Variants in PPP4R2 observed in about 807,000 individuals in gnomAD.
PPP4R2 encodes serine/threonine-protein phosphatase 4 regulatory subunit 2.
Under a neutral mutation model 47.2 loss-of-function variants are expected in PPP4R2, and 13 were observed. That is an observed-to-expected ratio of 0.28 (90% CI 0.18 to 0.44). The LOEUF is 0.44. Among genes scored for constraint, PPP4R2 ranks in the 20% least tolerant of loss-of-function variants. The probability of loss-of-function intolerance (pLI) is 1.00; values close to 1 mark genes in which losing one functional copy is unlikely to be tolerated. For synonymous variants in PPP4R2, 151 were observed against 163.3 expected (o/e 0.92, Z 0.57); for missense variants, 421 against 491.2 (o/e 0.86, Z 1.35).
intron 3 of PPP4R2, among the ~76,000 whole-genome samples, chr3:73,053,458 T>C (rs1391320338): frequency 6.6e-6 from 1 of 152,232 alleles, no homozygotes; most frequent in African/African-American, 2.4e-5. Context: ...TTGCTAGTTA[T>C]ATTTGATGCA....
At chr3:73,047,543 A>C (rs1702509845) in intron 3 of PPP4R2, among the ~76,000 whole-genome samples, 187 bp downstream of exon 3, 1 of 152,212 alleles carries the variant, frequency 6.6e-6, no homozygotes, top group African/African-American at 2.4e-5. Flanking sequence ...CTCTTAAAAA[A>C]CTTGAACCAC....
chr3:73,041,880 G>C (rs1381024873), intron 2 of PPP4R2, among the ~76,000 whole-genome samples: 4 of 152,236 alleles, frequency 2.6e-5, no homozygotes, highest in African/African-American at 4.8e-5. Flanking sequence ...TTAGAGAATT[G>C]TGAGAGAAAC....
intron 5 of PPP4R2, chr3:73,062,845 C>A: frequency 6.2e-7 from 1 of 1,613,852 alleles, no homozygotes; most frequent in African/African-American, 1.3e-5. Flanking sequence ...TTAATGTTCA[C>A]ACTTCTATTT....
At chr3:73,027,134 T>A (rs1028731020) in intron 2 of PPP4R2, among the ~76,000 whole-genome samples, 1 of 152,158 alleles carries the variant, frequency 6.6e-6, no homozygotes, top group Non-Finnish European at 1.5e-5. Flanking sequence ...TATTCCCCTG[T>A]TTTTTTGTTT....
chr3:73,057,303 G>T (rs1402142974), intron 3 of PPP4R2, among the ~76,000 whole-genome samples: 1 of 152,060 alleles, frequency 6.6e-6, no homozygotes, highest in African/African-American at 2.4e-5. Context: ...AACAAAAGAT[G>T]TATAAGCTTA....
chr3:73,004,923 TTGTGTGTTTTGAGTCGGAGTCGTGTGTG>T lies in PPP4R2; in HGVS notation c.116+6773_116+6800del, dbSNP rs1394749323. On this transcript the variant is annotated intron_variant, in intron 2 of 8. Transcript: ENST00000356692. The stretch of plus-strand genomic sequence containing the variant: ...TTGAGTCGGAGTCATGTGTGTGTGT[TTGTGTGTTTTGAGTCGGAGTCGTGTGTG>T]TGTGTGTGTGTGTGTGTGTGTGTGT... Among the ~76,000 whole-genome samples, 490 of 140,060 alleles carry T rather than the reference TTGTGTGTTTTGAGTCGGAGTCGTGTGTG, an allele frequency of 3.5e-3. 5 individuals carry two copies. Among genetic ancestry groups the T allele is most frequent in the African/African-American group, 0.012 (453 of 37,400 alleles). 91.9% of individuals were successfully genotyped at this position (140,060 alleles called of 152,430 possible).
chr3:73,015,831 G>A (rs1417808246), intron 2 of PPP4R2: 2 of 438,016 alleles, frequency 4.6e-6, no homozygotes, highest in African/African-American at 4.1e-5. Context: ...GTAGAGACGG[G>A]GTTTCACCAT....
At chr3:73,036,286 T>C (rs975224429) in intron 2 of PPP4R2, among the ~76,000 whole-genome samples, 1 of 152,176 alleles carries the variant, frequency 6.6e-6, no homozygotes, top group Non-Finnish European at 1.5e-5. Flanking sequence ...GGTTACTGGG[T>C]ACAAAAGTAC....
intron 2 of PPP4R2, among the ~76,000 whole-genome samples, chr3:73,011,232 C>T (rs1172999113): frequency 1.3e-5 from 2 of 152,178 alleles, no homozygotes; most frequent in Non-Finnish European, 2.9e-5. Context: ...GTAATCGCAG[C>T]ACTTTGGGAG....
At chr3:73,063,546 C>A (rs1026688732) in intron 5 of PPP4R2, 127 bp from the exon 6 acceptor site, 1 of 609,100 alleles carries the variant, frequency 1.6e-6, no homozygotes, top group Non-Finnish European at 3.0e-6. Context: ...ATTGCTTGAA[C>A]CTGGGAAGTG....
At position 73,056,881 on chromosome 3, in the gene PPP4R2, G is replaced by T. The variant is rs374569260; in HGVS notation, c.288-2156G>T. 2.4e-4 allele frequency among the ~76,000 whole-genome samples: 36 copies of T among 152,234 alleles called. 1 individual carries two copies. Among genetic ancestry groups the T allele is most frequent in the African/African-American group, 8.4e-4 (35 of 41,540 alleles). On this transcript the variant is annotated intron_variant, in intron 3 of 8. Coordinates refer to ENST00000356692, the MANE Select transcript of PPP4R2 (RefSeq NM_174907.4). ...ATTTTAATTAGTGAGAAAACATTAG[G>T]TTTTAATGTGGGAAAGAATTTTAGT...
chr3:73,060,676 G>A (rs560189343), intron 4 of PPP4R2, among the ~76,000 whole-genome samples: 23 of 152,260 alleles, frequency 1.5e-4, no homozygotes, highest in African/African-American at 5.3e-4. Flanking sequence ...AATTACATAT[G>A]TCTTAAGTAC....
rs199881093 is a variant in PPP4R2, at chr3:73,008,650, TA to T, written c.116+10499del. On this transcript the variant is annotated intron_variant, in intron 2 of 8. Transcript: ENST00000356692. ...TTATTTGTGAGCTTGTTTCCTCACT[TA>T]AAAAAATGGGGTTTGTACCTTTAGT... is the stretch of plus-strand genomic sequence containing the variant. Among the ~76,000 whole-genome samples the T allele has an allele frequency of 6.6e-3, 1,007 of 152,250 alleles. 20 individuals carry two copies. The highest frequency in any genetic ancestry group is 0.023 in the African/African-American group (954 of 41,548).
chr3:73,016,113 A>G (rs1249948326), intron 2 of PPP4R2: 1 of 152,400 alleles, frequency 6.6e-6, no homozygotes, highest in Non-Finnish European at 1.5e-5. Flanking sequence ...TAATCTAAAT[A>G]TAAATAAAAC....
chr3:73,047,107 T>C (rs1433677206), intron 2 of PPP4R2, 79 bp from the exon 3 acceptor site: 6 of 786,388 alleles, frequency 7.6e-6, no homozygotes, highest in South Asian at 2.0e-5. Context: ...AGTGTCATAG[T>C]ATATTTTATA....
At chr3:73,051,669 A>G (rs1702615627) in intron 3 of PPP4R2, among the ~76,000 whole-genome samples, 1 of 152,186 alleles carries the variant, frequency 6.6e-6, no homozygotes, top group Non-Finnish European at 1.5e-5. Context: ...CTCTTTGCCC[A>G]GGCTGGAGTG....
chr3:73,015,481 C>CTT (rs11321511), intron 2 of PPP4R2, among the ~76,000 whole-genome samples: 6 of 133,702 alleles, frequency 4.5e-5, no homozygotes, highest in Admixed American at 7.6e-5. Flanking sequence ...AGCCTACTGT[C>CTT]TTTTTTTTTT....
chr3:73,053,277 T>G (rs992520947), intron 3 of PPP4R2, among the ~76,000 whole-genome samples: 7 of 152,094 alleles, frequency 4.6e-5, no homozygotes, highest in Non-Finnish European at 1.5e-5. Context: ...TGTTTTTTCT[T>G]TATCCCCTTT....
chr3:73,009,000 A>G (rs1324511772), intron 2 of PPP4R2, among the ~76,000 whole-genome samples: 2 of 152,254 alleles, frequency 1.3e-5, no homozygotes, highest in Non-Finnish European at 2.9e-5. Context: ...AAATGAGTTT[A>G]TAAGGTGCTT....
Sources: gnomAD v4.1 joint callset for allele counts (sites outside exome capture counted in the v4.1 genomes callset) on GRCh38, gnomAD v4.1.1 for gene constraint, MANE v1.5 for transcripts, NCBI Gene and HGNC (gene_info 2026-07-23, HGNC 2026-07-21) for gene names.